The following GRM8 variants were observed in gnomAD, a reference collection of about 807,000 sequenced individuals.
GRM8 encodes glutamate metabotropic receptor 8.
In GRM8, 47 loss-of-function variants were observed where a neutral mutation model predicts 87.2. The observed-to-expected ratio is 0.54, with a 90% CI of 0.43 to 0.69. The LOEUF (loss-of-function observed/expected upper bound fraction) is 0.69. GRM8 is among the 30% of genes least tolerant of loss of function. The pLI is 0.00. For synonymous variants in GRM8, 396 were observed against 404.5 expected (o/e 0.98, Z 0.25); for missense variants, 1,019 against 1,139.2 (o/e 0.89, Z 1.52).
chr7:127,162,363 G>T (rs565422390), intron 2 of GRM8, among the ~76,000 whole-genome samples: 1 of 152,110 alleles, frequency 6.6e-6, no homozygotes, highest in African/African-American at 2.4e-5. Context: ...CCATACCTCC[G>T]TTCAGGGCTT....
intron 3 of GRM8, among the ~76,000 whole-genome samples, chr7:126,964,303 A>G (rs1324484242): frequency 6.6e-6 from 1 of 152,226 alleles, no homozygotes; most frequent in Non-Finnish European, 1.5e-5. Context: ...AACAAAAGCC[A>G]AAATTGACAA....
chr7:126,807,634 T>C (rs1792908985), intron 6 of GRM8, among the ~76,000 whole-genome samples: 1 of 152,046 alleles, frequency 6.6e-6, no homozygotes, highest in Non-Finnish European at 1.5e-5. Flanking sequence ...CTCCCTTCAC[T>C]TCTCCTTGTC....
At chr7:126,779,920 C>T (rs2151635906) in intron 6 of GRM8, among the ~76,000 whole-genome samples, 1 of 152,258 alleles carries the variant, frequency 6.6e-6, no homozygotes, top group African/African-American at 2.4e-5. Context: ...GAATTCTTCA[C>T]TCATAAAATA....
intron 7 of GRM8, among the ~76,000 whole-genome samples, chr7:126,767,836 C>A (rs1818358848): frequency 6.6e-6 from 1 of 152,046 alleles, no homozygotes; most frequent in African/African-American, 2.4e-5. Context: ...GGAACACAAC[C>A]AAGACTCAAG....
intron 8 of GRM8, among the ~76,000 whole-genome samples, chr7:126,561,438 C>T (rs1262256656): frequency 1.3e-5 from 2 of 151,646 alleles, no homozygotes; most frequent in Non-Finnish European, 2.9e-5. Flanking sequence ...CACCACACTC[C>T]AGCCTGGGCA....
chr7:126,459,675 G>A (rs534738887), intron 9 of GRM8, among the ~76,000 whole-genome samples: 3 of 151,434 alleles, frequency 2.0e-5, no homozygotes, highest in South Asian at 2.1e-4. Context: ...AACTAATTAC[G>A]GTGGCAATGC....
At chr7:126,578,027 C>T (rs1795266241) in intron 8 of GRM8, among the ~76,000 whole-genome samples, 1 of 152,038 alleles carries the variant, frequency 6.6e-6, no homozygotes, top group Admixed American at 6.6e-5. Flanking sequence ...TCAATGATTC[C>T]TGACTCTCCC....
chr7:126,605,092 G>C (rs1426436386), intron 8 of GRM8, among the ~76,000 whole-genome samples: 1 of 152,078 alleles, frequency 6.6e-6, no homozygotes, highest in Admixed American at 6.6e-5. Context: ...AAAGCCCCGA[G>C]TTATTTTTGG....
In GRM8 at chr7:127,038,156, C is replaced by T. The variant is rs536533788; in HGVS notation, c.727+68340G>A. On this transcript the variant is annotated intron_variant, in intron 3 of 10. Coordinates refer to ENST00000339582, the MANE Select transcript of GRM8 (RefSeq NM_000845.3). ...TCACAATTTCCAACATTAAAGGAGA[C>T]GTTGACAGGAATCATAGCTTATACT... 3.9e-5 allele frequency among the ~76,000 whole-genome samples: 6 copies of T among 152,140 alleles called. No homozygotes were observed. The East Asian group carries it at 9.7e-4, about 25-fold the overall frequency.
intron 9 of GRM8, among the ~76,000 whole-genome samples, chr7:126,519,285 T>G (rs954858035): frequency 6.6e-6 from 1 of 151,988 alleles, no homozygotes; most frequent in South Asian, 2.1e-4. Context: ...AGAGCACATA[T>G]GTGTTTAGAA....
Position 126,661,940 on chromosome 7 carries a change from A to G in GRM8, c.1358-52442T>C, listed in dbSNP as rs115987047. Reference sequence around the variant, plus strand: ...TTTCTGTCTTGTCTCATATTTAATGATTCTATAACTGTGTGTGCAAAGCAT... The same window carrying G: ...TTTCTGTCTTGTCTCATATTTAATGGTTCTATAACTGTGTGTGCAAAGCAT... On this transcript the variant is annotated intron_variant, in intron 7 of 10. Coordinates refer to ENST00000339582, the MANE Select transcript of GRM8 (RefSeq NM_000845.3). Among the ~76,000 whole-genome samples the G allele has an allele frequency of 2.9e-3, 437 of 152,336 alleles. 1 individual carries two copies. The highest frequency in any genetic ancestry group is 7.8e-3 in the African/African-American group (326 of 41,570).
At chr7:127,210,778 T>C (rs1265228580) in intron 2 of GRM8, among the ~76,000 whole-genome samples, 1 of 152,070 alleles carries the variant, frequency 6.6e-6, no homozygotes, top group Non-Finnish European at 1.5e-5. Context: ...TCATAGAAAA[T>C]AAGCACAAAT....
intron 3 of GRM8, among the ~76,000 whole-genome samples, chr7:127,080,475 C>A (rs1822736436): frequency 6.6e-6 from 1 of 152,162 alleles, no homozygotes; most frequent in African/African-American, 2.4e-5. Flanking sequence ...TCCCCAAGAA[C>A]CAATTTTGGT....
intron 7 of GRM8, among the ~76,000 whole-genome samples, chr7:126,672,644 G>A (rs1806503849): frequency 6.6e-6 from 1 of 152,194 alleles, no homozygotes; most frequent in Admixed American, 6.5e-5. Flanking sequence ...AGCACAACAT[G>A]CTGGCAAAAG....
chr7:126,973,258 G>A (rs1043146272), intron 3 of GRM8, among the ~76,000 whole-genome samples: 1 of 152,188 alleles, frequency 6.6e-6, no homozygotes, highest in Non-Finnish European at 1.5e-5. Context: ...TGCTGATGCT[G>A]CTGGTCTGCA....
At chr7:127,092,538 A>T (rs578109914) in intron 3 of GRM8, among the ~76,000 whole-genome samples, 4 of 152,284 alleles carry the variant, frequency 2.6e-5, no homozygotes, top group African/African-American at 9.6e-5. Context: ...TCTACTAAAA[A>T]ATAGTAATAA....
At position 126,456,317 on chromosome 7, in the gene GRM8, T is replaced by C. The variant is rs181355099; in HGVS notation, c.2431-9945A>G. Among the ~76,000 whole-genome samples the C allele has an allele frequency of 7.1e-4, 108 of 151,320 alleles. 1 individual carries two copies. Among genetic ancestry groups the C allele is most frequent in the Non-Finnish European group, 1.1e-3 (77 of 67,618 alleles). On this transcript the variant is annotated intron_variant, in intron 9 of 10. Transcript: ENST00000339582. ...TCCCAGGTAACGTACTGATTCTACA[T>C]AGGAAAGACAGAAATCTTTAGACAG... is the stretch of plus-strand genomic sequence containing the variant.
chr7:126,585,477 T>C (rs1328443547), intron 8 of GRM8, among the ~76,000 whole-genome samples: 3 of 152,162 alleles, frequency 2.0e-5, no homozygotes, highest in Admixed American at 6.6e-5. Context: ...AATTCTTCAA[T>C]AAACTAACAT....
chr7:126,893,291 T>A (rs930594106), intron 6 of GRM8, among the ~76,000 whole-genome samples: 1 of 152,026 alleles, frequency 6.6e-6, no homozygotes, highest in African/African-American at 2.4e-5. Context: ...CAATAAAATT[T>A]GACTGATTTT....
Sources: allele counts gnomAD v4.1 joint callset (sites outside exome capture counted in the v4.1 genomes callset), GRCh38; gene constraint gnomAD v4.1.1; transcripts MANE v1.5; gene names NCBI Gene and HGNC (gene_info 2026-07-23, HGNC 2026-07-21).